CNNM2: variants seen among roughly 807,000 people sequenced by gnomAD.
The protein encoded by CNNM2 is cyclin and CBS domain divalent metal cation transport mediator 2.
A neutral mutation model predicts 66.9 loss-of-function variants in CNNM2; 12 were observed. That is an observed-to-expected ratio of 0.18 (90% CI 0.11 to 0.29). CNNM2 has a LOEUF of 0.29. Ranked by LOEUF, CNNM2 falls within the 10% of genes least tolerant of loss-of-function variation. The pLI is 1.00. For missense variants in CNNM2, 705 were observed against 1,167.7 expected (o/e 0.60, Z 5.77); for synonymous variants, 557 against 501.8 (o/e 1.11, Z -1.47).
chr10:102,971,792 A>G (rs939413024), intron 1 of CNNM2, among the ~76,000 whole-genome samples: 7 of 152,150 alleles, frequency 4.6e-5, no homozygotes, highest in Non-Finnish European at 1.0e-4. Flanking sequence ...AGTTGGCCTT[A>G]CTAACACTGG....
intron 1 of CNNM2, among the ~76,000 whole-genome samples, chr10:102,937,058 C>T (rs757000073): frequency 3.9e-5 from 6 of 152,036 alleles, no homozygotes; most frequent in Non-Finnish European, 5.9e-5. Context: ...TTTTAAAGCC[C>T]GTAATGTGTG....
In CNNM2 at chr10:103,020,148, T is replaced by C. The variant is rs1327876428; in HGVS notation, c.1622-29559T>C. ...TTTATTTCAGGTTTTCAATCTTGCA[T>C]TTTTGTTCTTTTTTTTTTTCGTCTG... On this transcript the variant is annotated intron_variant, in intron 1 of 7. Coordinates refer to ENST00000369878, the MANE Select transcript of CNNM2 (RefSeq NM_017649.5). 3.3e-5 allele frequency among the ~76,000 whole-genome samples: 5 copies of C among 152,234 alleles called. No individual in the cohort carries two copies. In the East Asian group the frequency reaches 5.8e-4, roughly 18 times the overall value.
intron 1 of CNNM2, among the ~76,000 whole-genome samples, chr10:102,959,689 G>GCTTCC (rs1847174142): frequency 6.6e-6 from 1 of 152,188 alleles, no homozygotes; most frequent in Non-Finnish European, 1.5e-5. Flanking sequence ...GAATCCTCCT[G>GCTTCC]CAGTGGCTTC....
chr10:103,007,972 C>T (rs374710410), intron 1 of CNNM2, among the ~76,000 whole-genome samples: 4 of 152,312 alleles, frequency 2.6e-5, no homozygotes, highest in East Asian at 1.9e-4. Context: ...CGGCTCCAGC[C>T]GGTCCCTCCG....
intron 1 of CNNM2, among the ~76,000 whole-genome samples, chr10:102,949,575 G>A (rs1041451815): frequency 2.6e-5 from 4 of 151,910 alleles, no homozygotes; most frequent in Non-Finnish European, 5.9e-5. Context: ...CTTGAGGTCA[G>A]AAGTTCGAGA....
At chr10:103,053,250 C>T (rs187703255) in intron 2 of CNNM2, among the ~76,000 whole-genome samples, 68 of 152,290 alleles carry the variant, frequency 4.5e-4, no homozygotes, top group Non-Finnish European at 1.8e-4. Context: ...CATGGTGGCT[C>T]ATGTCTGTAA....
At chr10:103,062,803 A>G (rs992159559) in intron 4 of CNNM2, among the ~76,000 whole-genome samples, 5 of 152,286 alleles carry the variant, frequency 3.3e-5, no homozygotes, top group Admixed American at 1.3e-4. Flanking sequence ...TTTGGCCTCC[A>G]CTGGGTGTGA....
rs1249371867 is a variant in CNNM2 at position 103,087,976 on chromosome 10, ATCTT to A, written c.*10800_*10803del. The A allele has an allele frequency of 1.3e-5, 2 of 152,240 alleles. No homozygotes were observed. The highest frequency in any genetic ancestry group is 2.9e-5 in the Non-Finnish European group (2 of 68,044). The allele number at this position is 152,240 out of a possible 1,614,324, so 9.4% of individuals were successfully genotyped here. On this transcript the variant is annotated 3_prime_UTR_variant, in exon 8 of 8. Coordinates refer to ENST00000369878, the MANE Select transcript of CNNM2 (RefSeq NM_017649.5). ...CTCACTTCACAGTCCTGTTCCAAAA[ATCTT>A]TCTGTGAAAAAATTGAGGCCTATGT...
At position 103,054,064 on chromosome 10, in the gene CNNM2, C is replaced by T. The variant is rs2065257732; in HGVS notation, c.1766-265C>T. Among the ~76,000 whole-genome samples, 1 of 152,068 alleles carries T rather than the reference C, an allele frequency of 6.6e-6. No homozygotes were observed. The highest frequency in any genetic ancestry group is 2.4e-5 in the African/African-American group (1 of 41,384). ...TGCCTGATGCTGTGCTCACAAGGGC[C>T]CTCTACAGACCTTCCTGAAGTACAT... On this transcript the variant is annotated intron_variant, in intron 2 of 7. Coordinates refer to ENST00000369878, the MANE Select transcript of CNNM2 (RefSeq NM_017649.5). This position sits in a 1 kb window ranked among gnomAD's most constrained non-coding sequence, Gnocchi z 5.2.
At chr10:103,058,159 T>A (rs1323539170) in intron 4 of CNNM2, among the ~76,000 whole-genome samples, 1 of 152,234 alleles carries the variant, frequency 6.6e-6, no homozygotes, top group African/African-American at 2.4e-5. Context: ...TCTTAGAAAC[T>A]TCTGTTTGCA....
At chr10:102,954,434 T>G (rs1846960449) in intron 1 of CNNM2, among the ~76,000 whole-genome samples, 2 of 152,158 alleles carry the variant, frequency 1.3e-5, no homozygotes, top group Admixed American at 1.3e-4. Context: ...TTTTCAATAG[T>G]CATATTTAAT....
At chr10:102,979,304 A>G (rs191376314) in intron 1 of CNNM2, among the ~76,000 whole-genome samples, 5 of 152,316 alleles carry the variant, frequency 3.3e-5, no homozygotes, top group Admixed American at 6.5e-5. Context: ...CAACTCACTC[A>G]ATAATAGCTG....
intron 4 of CNNM2, among the ~76,000 whole-genome samples, chr10:103,058,359 G>T (rs757779663): frequency 6.6e-6 from 1 of 152,160 alleles, no homozygotes; most frequent in Non-Finnish European, 1.5e-5. Context: ...TATTCCTTAA[G>T]CCTGGAGAAA....
At chr10:102,997,176 A>G (rs993499176) in intron 1 of CNNM2, among the ~76,000 whole-genome samples, 2 of 152,204 alleles carry the variant, frequency 1.3e-5, no homozygotes, top group South Asian at 4.1e-4. Context: ...TGAGAATGGA[A>G]TTCTAGATTG....
At chr10:103,060,695 C>T (rs1316674994) in intron 4 of CNNM2, among the ~76,000 whole-genome samples, 2 of 152,094 alleles carry the variant, frequency 1.3e-5, no homozygotes, top group African/African-American at 4.8e-5. Context: ...GTAAAAGAAA[C>T]ATGCAAATCT....
At chr10:103,020,050 A>G (rs1590405313) in intron 1 of CNNM2, among the ~76,000 whole-genome samples, 2 of 152,122 alleles carry the variant, frequency 1.3e-5, no homozygotes, top group African/African-American at 4.8e-5. Context: ...TTCTTAAGTT[A>G]TTAGTATGTC....
intron 1 of CNNM2, among the ~76,000 whole-genome samples, chr10:103,038,918 T>C (rs2064989802): frequency 2.0e-5 from 3 of 152,204 alleles, no homozygotes; most frequent in Admixed American, 2.0e-4. Flanking sequence ...GTCACATTTT[T>C]CTGGTGTATT....
intron 1 of CNNM2, among the ~76,000 whole-genome samples, chr10:102,985,567 A>T (rs1564832529): frequency 6.6e-6 from 1 of 152,144 alleles, no homozygotes; most frequent in Non-Finnish European, 1.5e-5. Context: ...TTCTTCCTTG[A>T]CATCCTACTG....
chr10:102,946,832 T>C (rs1846634488), intron 1 of CNNM2, among the ~76,000 whole-genome samples: 1 of 152,236 alleles, frequency 6.6e-6, no homozygotes, highest in Non-Finnish European at 1.5e-5. Context: ...TCCAGATGTT[T>C]ACTTTTTAAA....
Sources: gnomAD v4.1 joint callset for allele counts (sites outside exome capture counted in the v4.1 genomes callset) on GRCh38, gnomAD v4.1.1 for gene constraint, Gnocchi (gnomAD v3.1) non-coding constraint, MANE v1.5 for transcripts, NCBI Gene and HGNC (gene_info 2026-07-23, HGNC 2026-07-21) for gene names.